The following SFXN5 variants were observed in gnomAD, a reference collection of about 807,000 sequenced individuals.
SFXN5 encodes the protein sideroflexin 5, also known as sideroflexin-5.
A neutral mutation model predicts 50.2 loss-of-function variants in SFXN5; 43 were observed. The observed-to-expected ratio is 0.86, with a 90% CI of 0.67 to 1.11. The LOEUF is 1.11. Among genes scored for constraint, SFXN5 ranks in the 50% least tolerant of loss-of-function variants. The pLI is 0.00. For synonymous variants in SFXN5, 203 were observed against 185.8 expected, an observed-to-expected ratio of 1.09 and a Z score of -0.75; for missense variants, 463 against 454.1, an observed-to-expected ratio of 1.02 and a Z score of -0.18.
chr2:73,038,411 G>C (rs989302661), intron 3 of SFXN5, among the ~76,000 whole-genome samples: 1 of 152,180 alleles, frequency 6.6e-6, no homozygotes, highest in East Asian at 1.9e-4. Flanking sequence ...GGGTGAATGT[G>C]AAGGCCTAGG....
At chr2:73,004,648 T>C (rs1260543255) in intron 6 of SFXN5, among the ~76,000 whole-genome samples, 1 of 150,914 alleles carries the variant, frequency 6.6e-6, no homozygotes, top group African/African-American at 2.4e-5. Flanking sequence ...AGAGGGAGTG[T>C]GGAGAGGGTG....
At chr2:72,976,789 T>G (rs1670664958) in intron 10 of SFXN5, among the ~76,000 whole-genome samples, 1 of 152,202 alleles carries the variant, frequency 6.6e-6, no homozygotes, top group East Asian at 1.9e-4. Context: ...TGTTAATACC[T>G]CTTATAACTC....
chr2:73,009,125 C>A (rs987916534), intron 6 of SFXN5, among the ~76,000 whole-genome samples: 6 of 152,284 alleles, frequency 3.9e-5, no homozygotes, highest in Admixed American at 3.9e-4. Context: ...TCGCTGGCAC[C>A]CTCGTTTCTA....
intron 10 of SFXN5, among the ~76,000 whole-genome samples, chr2:72,986,076 G>C (rs1198414036): frequency 1.3e-5 from 2 of 152,218 alleles, no homozygotes; most frequent in Non-Finnish European, 2.9e-5. Context: ...GAATGGCCGG[G>C]AACACCAGTT....
chr2:73,022,755 C>T (rs1452372705), intron 4 of SFXN5, among the ~76,000 whole-genome samples, 179 bp from the exon 5 acceptor site: 1 of 152,102 alleles, frequency 6.6e-6, no homozygotes. Context: ...CCAGTTAGGC[C>T]TTTCCACCAC....
chr2:73,059,364 G>A (rs896114747), intron 1 of SFXN5: 3 of 985,418 alleles, frequency 3.0e-6, no homozygotes, highest in Non-Finnish European at 3.6e-6. Flanking sequence ...TGCAATCGCT[G>A]GGGTTCATGC....
intron 9 of SFXN5, among the ~76,000 whole-genome samples, chr2:72,994,329 G>C (rs1269262861): frequency 6.6e-6 from 1 of 152,180 alleles, no homozygotes; most frequent in Non-Finnish European, 1.5e-5. Context: ...TTGTCAGTAA[G>C]CAATGGGAAC....
At position 72,971,556 on chromosome 2, in the gene SFXN5, AC is replaced by A; in HGVS notation, c.741+13del. ...GTTGCTGGCCTCCCCAACCCTGCGA[AC>A]CCCCAGACCCACGTGTCGGGCTGCG... On this transcript the variant is annotated intron_variant, in intron 11 of 13. Transcript: ENST00000272433. The A allele has an allele frequency of 1.2e-6, 2 of 1,606,292 alleles. No individual in the cohort carries two copies. The highest frequency in any genetic ancestry group is 1.7e-6 in the Non-Finnish European group (2 of 1,173,794).
chr2:72,971,172 C>T (rs912908293), intron 11 of SFXN5, among the ~76,000 whole-genome samples: 1 of 152,164 alleles, frequency 6.6e-6, no homozygotes, highest in African/African-American at 2.4e-5. Flanking sequence ...AACCACAAAC[C>T]ACTGGCCTCC....
chr2:73,003,594 C>T (rs370173744), intron 6 of SFXN5, among the ~76,000 whole-genome samples: 3 of 152,212 alleles, frequency 2.0e-5, no homozygotes, highest in East Asian at 3.8e-4. Context: ...GGCCAGCTCT[C>T]CACAGCCCCA....
intron 1 of SFXN5, among the ~76,000 whole-genome samples, chr2:73,061,452 T>C (rs765263938): frequency 1.3e-5 from 2 of 152,162 alleles, no homozygotes; most frequent in Non-Finnish European, 2.9e-5. Flanking sequence ...TATAATTGAA[T>C]GCAGATTGAA....
intron 3 of SFXN5, among the ~76,000 whole-genome samples, chr2:73,032,490 G>T (rs548854144): frequency 6.6e-6 from 1 of 152,308 alleles, no homozygotes; most frequent in African/African-American, 2.4e-5. Context: ...CCAGAAGTTG[G>T]CTAATTTCAA....
At chr2:73,009,125 C>T (rs987916534) in intron 6 of SFXN5, among the ~76,000 whole-genome samples, 2 of 152,168 alleles carry the variant, frequency 1.3e-5, no homozygotes, top group Non-Finnish European at 2.9e-5. Context: ...TCGCTGGCAC[C>T]CTCGTTTCTA....
chr2:73,006,129 T>C (rs1341116160), intron 6 of SFXN5, among the ~76,000 whole-genome samples: 1 of 152,054 alleles, frequency 6.6e-6, no homozygotes, highest in Non-Finnish European at 1.5e-5. Flanking sequence ...CCTTCCTGCT[T>C]GCCCTGCTGA....
intron 8 of SFXN5, 139 bp downstream of exon 8, chr2:73,000,292 C>T (rs1673739700): frequency 5.0e-6 from 4 of 804,068 alleles, no homozygotes; most frequent in Non-Finnish European, 7.7e-6. Context: ...GAAGGGCTGG[C>T]ATTTTAAATA....
chr2:73,066,103 T>C (rs370801285), intron 1 of SFXN5, among the ~76,000 whole-genome samples: 4 of 152,076 alleles, frequency 2.6e-5, no homozygotes, highest in Non-Finnish European at 2.9e-5. Flanking sequence ...GTTAAATGCA[T>C]AGACTTTAAG....
intron 13 of SFXN5, among the ~76,000 whole-genome samples, chr2:72,959,739 T>C (rs1191591975): frequency 2.0e-5 from 3 of 152,144 alleles, no homozygotes; most frequent in Admixed American, 1.3e-4. Context: ...CCCAAAATCG[T>C]CCTGTCAGCG....
chr2:73,049,275 CT>C (rs1280738610), intron 2 of SFXN5: 1 of 152,294 alleles, frequency 6.6e-6, no homozygotes, highest in Non-Finnish European at 1.5e-5. Flanking sequence ...TGTGAAACCT[CT>C]TTTATTTTTT....
chr2:73,068,727 T>G (rs1439221364), intron 1 of SFXN5, among the ~76,000 whole-genome samples: 1 of 151,958 alleles, frequency 6.6e-6, no homozygotes, highest in Non-Finnish European at 1.5e-5. Context: ...CCCCCACTTC[T>G]GCAAAGTCCA....
Sources: gnomAD v4.1 joint callset for allele counts (sites outside exome capture counted in the v4.1 genomes callset) on GRCh38, gnomAD v4.1.1 for gene constraint, MANE v1.5 for transcripts, NCBI Gene and HGNC (gene_info 2026-07-23, HGNC 2026-07-21) for gene names.